Variants in UACA observed in about 807,000 individuals in gnomAD.
UACA encodes the protein uveal autoantigen with coiled-coil domains and ankyrin repeats, also known as nuclear membrane binding protein.
In UACA, 112 loss-of-function variants were observed where a neutral mutation model predicts 160.5. That is an observed-to-expected ratio of 0.70 (90% CI 0.60 to 0.82). The LOEUF is 0.82. Among genes scored for constraint, UACA ranks in the 40% least tolerant of loss-of-function variants. The pLI is 0.00. For missense variants in UACA, 1,574 were observed against 1,614.6 expected (o/e 0.97, Z 0.43); for synonymous variants, 557 against 568.4 (o/e 0.98, Z 0.29).
intron 1 of UACA, among the ~76,000 whole-genome samples, chr15:70,719,715 C>A (rs1021877092): frequency 2.6e-5 from 4 of 152,108 alleles, no homozygotes; most frequent in African/African-American, 9.7e-5. Flanking sequence ...AGCATATCCT[C>A]CAATACTCCA....
chr15:70,728,420 A>T (rs1202079665), intron 1 of UACA, among the ~76,000 whole-genome samples: 1 of 151,960 alleles, frequency 6.6e-6, no homozygotes, highest in Non-Finnish European at 1.5e-5. Flanking sequence ...AAAATTAGCC[A>T]GGCGTGGTGG....
At chr15:70,672,967 G>A (rs922868123) in intron 13 of UACA, among the ~76,000 whole-genome samples, 2 of 152,098 alleles carry the variant, frequency 1.3e-5, no homozygotes, top group African/African-American at 4.8e-5. Context: ...GTGGTGGCGG[G>A]CACCTGTAAT....
At position 70,668,772 on chromosome 15, in the gene UACA, A is replaced by AG; in HGVS notation, c.1911dup (p.Ser638LeufsTer5). On this transcript the variant is annotated frameshift_variant, in exon 16 of 19. Transcript: ENST00000322954. LOFTEE classifies it high-confidence loss of function. ...TTCTCATTCACTTCATTTGATAATG[A>AG]GCTCTTCATGTTTTCAAATTTTTCA... is the stretch of plus-strand genomic sequence containing the variant. The AG allele has an allele frequency of 6.2e-7, 1 of 1,613,840 alleles. No individual in the cohort carries two copies. Among genetic ancestry groups the AG allele is most frequent in the Non-Finnish European group, 8.5e-7 (1 of 1,179,986 alleles).
intron 1 of UACA, among the ~76,000 whole-genome samples, chr15:70,700,318 T>TATATATATATATATATATATATAC (rs565377949): frequency 7.2e-6 from 1 of 139,760 alleles, no homozygotes; most frequent in African/African-American, 2.9e-5. Context: ...TATATATATA[T>TATATATATATATATATATATATAC]ACACACACAC....
rs570491878 is a variant in UACA at position 70,763,199 on chromosome 15, G to T, written c.78+131C>A. 1.6e-5 allele frequency: 16 copies of T among 1,008,930 alleles called. No homozygotes were observed. The East Asian group carries it at 4.9e-4, about 31-fold the overall frequency. 62.5% of individuals were successfully genotyped at this position (1,008,930 alleles called of 1,614,324 possible). A position where few individuals can be genotyped will look rare whatever the true frequency, so the allele number is the denominator to read the frequency against. On this transcript the variant is annotated intron_variant, in intron 1 of 18. Transcript: ENST00000322954. ...TGACGGAGTCTCCGGCCTCAGGGAG[G>T]AGTCGCCAGGGCCGCCGAAGCCGAA... is the stretch of plus-strand genomic sequence containing the variant.
chr15:70,768,681 T>G, the UACA span, among the ~76,000 whole-genome samples: 62 of 152,290 alleles, frequency 4.1e-4, no homozygotes, highest in African/African-American at 1.5e-3. Context: ...ACCATCTGAC[T>G]CCATAGTAAA....
intron 1 of UACA, among the ~76,000 whole-genome samples, chr15:70,713,334 C>A (rs570075247): frequency 6.6e-6 from 1 of 151,988 alleles, no homozygotes; most frequent in Non-Finnish European, 1.5e-5. Context: ...GGCGACAGAG[C>A]GAGAAAGAAT....
At position 70,667,317 on chromosome 15, in the gene UACA, A is replaced by AT. The variant is rs1475565609; in HGVS notation, c.3366dup (p.Ser1123IlefsTer3). The AT allele has an allele frequency of 6.2e-7, 1 of 1,610,926 alleles. No homozygotes were observed. The highest frequency in any genetic ancestry group is 8.5e-7 in the Non-Finnish European group (1 of 1,179,368). ...AGATTTTCAATTGTGCCATTAAGAG[A>AT]TTTTTTCAGAGCCTCAACCTGTTCC... On this transcript the variant is annotated frameshift_variant, in exon 16 of 19. Transcript: ENST00000322954. LOFTEE classifies it high-confidence loss of function.
intron 10 of UACA, among the ~76,000 whole-genome samples, chr15:70,678,902 A>G (rs1481065352): frequency 3.9e-5 from 6 of 152,186 alleles, no homozygotes; most frequent in Non-Finnish European, 8.8e-5. Flanking sequence ...TACATTAATG[A>G]TCATTTTTAA....
chr15:70,667,168 A>C lies in UACA; in HGVS notation c.3516T>G (p.Ile1172Met), dbSNP rs1240444209. Residue 1172 changes from isoleucine to methionine, a missense_variant, in exon 16 of 19, where the codon ATT becomes ATG. Ile to Met is a conservative substitution (Grantham distance 10, BLOSUM62 1). Coordinates refer to ENST00000322954, the MANE Select transcript of UACA (RefSeq NM_018003.4). The part of the protein sequence containing the change: ...SSVPLAEHLQ[I>M]KEAFEKEVGI... The stretch of plus-strand genomic sequence containing the variant: ...CAACTTCTTTCTCAAATGCTTCTTT[A>C]ATCTGCAAATGCTCTGCCAGGGGTA... The C allele has an allele frequency of 6.2e-7, 1 of 1,613,698 alleles. No individual in the cohort carries two copies. Among genetic ancestry groups the C allele is most frequent in the African/African-American group, 1.3e-5 (1 of 74,892 alleles).
chr15:70,667,745 C>A lies in UACA; in HGVS notation c.2939G>T (p.Cys980Phe). The A allele has an allele frequency of 6.2e-7, 1 of 1,614,030 alleles. No homozygotes were observed. Among genetic ancestry groups the A allele is most frequent in the Non-Finnish European group, 8.5e-7 (1 of 1,179,972 alleles). Residue 980 changes from cysteine to phenylalanine, a missense_variant, in exon 16 of 19, where the codon TGC (cysteine) becomes TTC (phenylalanine). Coordinates refer to ENST00000322954, the MANE Select transcript of UACA (RefSeq NM_018003.4). ...AATTGGGGCGTATTTTACCTTAATG[C>A]ATTCTTGTATTGTGTCGAGCTCCTT... ...QKKELDTIQE[C>F]IKVKYAPIVS...
intron 3 of UACA, among the ~76,000 whole-genome samples, chr15:70,694,279 A>ATTTGATGTACAAACTTC (rs56273911): frequency 0.86 from 129,236 of 150,982 alleles, 55,594 homozygotes; most frequent in Admixed American, 0.91. Flanking sequence ...AAAGGTCTAC[A>ATTTGATGTACAAACTTC]TTTGATGTAC....
intron 1 of UACA, among the ~76,000 whole-genome samples, chr15:70,726,316 G>T (rs1454147373): frequency 1.3e-5 from 2 of 151,952 alleles, no homozygotes; most frequent in African/African-American, 4.8e-5. Context: ...ACAAAGGATT[G>T]GCTCTTCCCC....
the UACA span, among the ~76,000 whole-genome samples, chr15:70,776,097 G>T: frequency 1.3e-5 from 2 of 151,996 alleles, 1 homozygote; most frequent in South Asian, 4.1e-4. Context: ...AGAGCTCCTG[G>T]TGTTATATGA....
At chr15:70,692,906 T>TAACC (rs1474683961) in intron 3 of UACA, among the ~76,000 whole-genome samples, 2 of 152,344 alleles carry the variant, frequency 1.3e-5, no homozygotes, top group Admixed American at 1.3e-4. Flanking sequence ...CGTAGCTGAC[T>TAACC]AACCAGGTTG....
chr15:70,704,251 T>C (rs1365550719), intron 1 of UACA, among the ~76,000 whole-genome samples: 3 of 152,198 alleles, frequency 2.0e-5, no homozygotes, highest in African/African-American at 7.2e-5. Context: ...AATTGTTAAA[T>C]AGGCTAGATC....
At chr15:70,684,886 A>G (rs1897654341) in intron 7 of UACA, among the ~76,000 whole-genome samples, 1 of 152,132 alleles carries the variant, frequency 6.6e-6, no homozygotes, top group Non-Finnish European at 1.5e-5. Context: ...AATTACTTCT[A>G]CTACCAAACC....
chr15:70,714,125 T>C (rs141233492), intron 1 of UACA, among the ~76,000 whole-genome samples: 2,024 of 152,272 alleles, frequency 0.013, 23 homozygotes, highest in Non-Finnish European at 0.021. Context: ...TCTATCACAA[T>C]TCAAAACAGC....
rs151042907 is a variant in UACA, at chr15:70,664,755, T to G, written c.4020A>C (p.Gln1340His). 244 of 1,613,572 alleles carry G rather than the reference T, an allele frequency of 1.5e-4. No individual in the cohort carries two copies. The African/African-American group carries it at 2.9e-3, about 20-fold the overall frequency. ...RLKQALNGLS[Q>H]LTYTSGNPTK... ...TGGGGTTCCCACTTGTGTAGGTGAGTTGGGAAAGGCCATTGAGTGCCTGTT... is the reference window on the plus strand; with the variant it reads ...TGGGGTTCCCACTTGTGTAGGTGAGGTGGGAAAGGCCATTGAGTGCCTGTT... Residue 1340 changes from glutamine (Q) to histidine (H), a missense_variant, in exon 17 of 19, where the codon CAA becomes CAC. Transcript: ENST00000322954.
Sources: gnomAD v4.1 joint callset for allele counts (sites outside exome capture counted in the v4.1 genomes callset) on GRCh38, gnomAD v4.1.1 for gene constraint, MANE v1.5 for transcripts, NCBI Gene and HGNC (gene_info 2026-07-23, HGNC 2026-07-21) for gene names.